PRKG1: variants seen among roughly 807,000 people sequenced by gnomAD.
PRKG1 encodes protein kinase cGMP-dependent 1, also known as cGMP-dependent protein kinase 1.
In PRKG1, 35 loss-of-function variants were observed where a neutral mutation model predicts 88.1. The ratio of observed to expected loss-of-function variants is 0.40; its 90% confidence interval spans 0.30 to 0.53. The LOEUF is 0.53. PRKG1 is among the 20% of genes least tolerant of loss of function. The pLI, the probability that PRKG1 is intolerant of heterozygous loss-of-function variation, is 0.59. For synonymous variants in PRKG1, 303 were observed against 292.5 expected (o/e 1.04, Z -0.37); for missense variants, 540 against 839.8 (o/e 0.64, Z 4.41).
At chr10:51,310,690 T>A (rs1276732318) in intron 2 of PRKG1, among the ~76,000 whole-genome samples, 1 of 152,190 alleles carries the variant, frequency 6.6e-6, no homozygotes, top group Non-Finnish European at 1.5e-5. Context: ...CTCATGCCAG[T>A]CACTTAGACA....
chr10:52,126,723 G>A (rs1487869510), intron 7 of PRKG1, among the ~76,000 whole-genome samples: 1 of 152,098 alleles, frequency 6.6e-6, no homozygotes, highest in African/African-American at 2.4e-5. Context: ...AAGTTTTATG[G>A]ATGAACTGAA....
intron 3 of PRKG1, among the ~76,000 whole-genome samples, chr10:51,756,230 C>T (rs537174887): frequency 6.6e-6 from 1 of 152,188 alleles, no homozygotes; most frequent in South Asian, 2.1e-4. Flanking sequence ...GACCTGTAAT[C>T]CCTCCAAGTG....
rs1298618752 is a variant in PRKG1, at chr10:52,293,348, A to G, written c.1963-454A>G. On this transcript the variant is annotated intron_variant, in intron 17 of 17. Transcript: ENST00000373980. The stretch of plus-strand genomic sequence containing the variant: ...ATGGCCATACTGCCCAAGGTAATTT[A>G]TAGATTCAATGCCATCCCCATCAAG... Among the ~76,000 whole-genome samples, 3 of 151,560 alleles carry G rather than the reference A, an allele frequency of 2.0e-5. No individual in the cohort carries two copies. In the East Asian group the frequency reaches 5.8e-4, roughly 29 times the overall value.
chr10:51,001,581 G>A (rs1387614484), intron 1 of PRKG1, among the ~76,000 whole-genome samples: 2 of 152,082 alleles, frequency 1.3e-5, no homozygotes, highest in Non-Finnish European at 2.9e-5. Flanking sequence ...AAAATATAAG[G>A]AGAAAAGAAG....
intron 3 of PRKG1, among the ~76,000 whole-genome samples, chr10:51,543,270 C>A (rs1308385022): frequency 6.6e-6 from 1 of 152,226 alleles, no homozygotes. Context: ...GTTTTAAATT[C>A]TTGAAAGGTA....
chr10:51,082,514 G>T (rs1354581794), intron 1 of PRKG1, among the ~76,000 whole-genome samples: 2 of 152,134 alleles, frequency 1.3e-5, no homozygotes, highest in African/African-American at 4.8e-5. Context: ...AGTAATTTTT[G>T]ATGATTCTCC....
At chr10:51,265,802 G>A (rs112092280) in intron 2 of PRKG1, among the ~76,000 whole-genome samples, 3,143 of 152,286 alleles carry the variant, frequency 0.021, 43 homozygotes, top group Middle Eastern at 0.044. Context: ...ACATTAGCCC[G>A]AAAGGATTAA....
intron 2 of PRKG1, among the ~76,000 whole-genome samples, chr10:51,262,789 C>T (rs1351869404): frequency 2.6e-5 from 4 of 152,116 alleles, no homozygotes; most frequent in Admixed American, 2.0e-4. Flanking sequence ...GGGAAGTGCC[C>T]ACACTTTGAA....
At chr10:52,176,158 G>GT (rs1229695515) in intron 9 of PRKG1, among the ~76,000 whole-genome samples, 1 of 133,930 alleles carries the variant, frequency 7.5e-6, no homozygotes, top group African/African-American at 2.7e-5. Context: ...TCGATTTTGA[G>GT]TTTTTTCTTT....
chr10:51,437,912 A>C (rs1440459227), intron 2 of PRKG1, among the ~76,000 whole-genome samples: 1 of 151,038 alleles, frequency 6.6e-6, no homozygotes, highest in Non-Finnish European at 1.5e-5. Context: ...CAGTCCCTAC[A>C]ATGGAATTGT....
At chr10:51,115,372 C>CATATATATAT (rs57104400) in intron 1 of PRKG1, among the ~76,000 whole-genome samples, 31 of 31,918 alleles carry the variant, frequency 9.7e-4, no homozygotes, top group African/African-American at 1.7e-3. Flanking sequence ...TTCCTTTAAA[C>CATATATATAT]ATATATATAT....
chr10:51,074,269 C>G (rs891436073), upstream of PRKG1: 4 of 286,974 alleles, frequency 1.4e-5, no homozygotes, highest in East Asian at 2.8e-4. Flanking sequence ...CCCGCTCCCC[C>G]GCCACCGCGC....
At chr10:51,059,706 AT>A (rs1340043080) in intron 1 of PRKG1, among the ~76,000 whole-genome samples, 2 of 152,096 alleles carry the variant, frequency 1.3e-5, no homozygotes, top group Non-Finnish European at 2.9e-5. Flanking sequence ...GTCTTCTGAC[AT>A]TTGTTGAGAC....
intron 4 of PRKG1, among the ~76,000 whole-genome samples, chr10:51,867,495 G>A (rs902818822): frequency 1.2e-4 from 19 of 152,090 alleles, no homozygotes; most frequent in Non-Finnish European, 2.5e-4. Context: ...CTAGGCCAGG[G>A]CAGTGGAAAA....
At chr10:51,476,891 TC>T (rs1840209916) in intron 3 of PRKG1, among the ~76,000 whole-genome samples, 1 of 152,050 alleles carries the variant, frequency 6.6e-6, no homozygotes. Context: ...TAATTCTTTA[TC>T]AGCTGTATAC....
intron 5 of PRKG1, chr10:51,908,734 A>ATATATTTTTTTTT (rs563212069): frequency 1.9e-4 from 10 of 52,220 alleles, no homozygotes; most frequent in Non-Finnish European, 4.8e-4. Flanking sequence ...TCTATATGTA[A>ATATATTTTTTTTT]TTTTTTTTTT....
chr10:52,193,563 CAAAAAAAAAAAA>C (rs1839426211), intron 9 of PRKG1, among the ~76,000 whole-genome samples: 12 of 118,522 alleles, frequency 1.0e-4, no homozygotes, highest in East Asian at 4.8e-4. Flanking sequence ...AAAAAAAAAA[CAAAAAAAAAAAA>C]CAAAAAAAAA....
chr10:52,102,389 TCTCTG>T (rs1482999438), intron 7 of PRKG1, among the ~76,000 whole-genome samples: 3 of 151,934 alleles, frequency 2.0e-5, no homozygotes, highest in African/African-American at 7.2e-5. Context: ...TGAAAGAGAA[TCTCTG>T]CAGAGGGAAC....
chr10:51,662,833 A>T (rs185641207), intron 3 of PRKG1, among the ~76,000 whole-genome samples: 1 of 152,208 alleles, frequency 6.6e-6, no homozygotes, highest in East Asian at 1.9e-4. Flanking sequence ...GCAAGTTCAA[A>T]GGTATAGACT....
Sources: allele counts gnomAD v4.1 joint callset (sites outside exome capture counted in the v4.1 genomes callset), GRCh38; gene constraint gnomAD v4.1.1; transcripts MANE v1.5; gene names NCBI Gene and HGNC (gene_info 2026-07-23, HGNC 2026-07-21).